RASSF8: variants seen among roughly 807,000 people sequenced by gnomAD.
RASSF8 encodes Ras association domain family member 8.
A neutral mutation model predicts 48.5 loss-of-function variants in RASSF8; 22 were observed. The observed-to-expected ratio is 0.45, with a 90% CI of 0.32 to 0.65. The LOEUF (loss-of-function observed/expected upper bound fraction) is 0.65. Among genes scored for constraint, RASSF8 ranks in the 30% least tolerant of loss-of-function variants. The probability of loss-of-function intolerance (pLI) is 0.03; values close to 1 mark genes in which losing one functional copy is unlikely to be tolerated. For missense variants in RASSF8, 418 were observed against 489.2 expected (o/e 0.85, Z 1.37); for synonymous variants, 127 against 171.5 (o/e 0.74, Z 2.03).
chr12:26,077,579 G>A (rs1591828167), downstream of RASSF8, among the ~76,000 whole-genome samples: 1 of 152,116 alleles, frequency 6.6e-6, no homozygotes, highest in African/African-American at 2.4e-5. Flanking sequence ...TTGTAGATGT[G>A]TGGTGTTATT....
intron 3 of RASSF8, among the ~76,000 whole-genome samples, chr12:26,057,962 T>C (rs1565641874): frequency 6.6e-6 from 1 of 152,202 alleles, no homozygotes; most frequent in Non-Finnish European, 1.5e-5. Flanking sequence ...TTTGCCCACT[T>C]TTATGGGGTT....
chr12:26,032,432 G>A (rs751710537), intron 2 of RASSF8, among the ~76,000 whole-genome samples: 3 of 152,182 alleles, frequency 2.0e-5, no homozygotes, highest in Non-Finnish European at 2.9e-5. Context: ...GTATGGAGAA[G>A]TATTTCCCAA....
At chr12:25,974,305 G>A (rs1422801320) in intron 1 of RASSF8, among the ~76,000 whole-genome samples, 1 of 152,150 alleles carries the variant, frequency 6.6e-6, no homozygotes, top group Non-Finnish European at 1.5e-5. Context: ...CGCGAGAAGT[G>A]CCACAGCTAA....
chr12:26,003,667 G>T (rs1942315825), intron 2 of RASSF8, among the ~76,000 whole-genome samples: 1 of 152,038 alleles, frequency 6.6e-6, no homozygotes, highest in Admixed American at 6.6e-5. Context: ...AAGTGTTAAT[G>T]ATGATTTTTC....
At chr12:26,077,582 G>A (rs919562700), downstream of RASSF8, among the ~76,000 whole-genome samples, 1 of 152,072 alleles carries the variant, frequency 6.6e-6, no homozygotes, top group Non-Finnish European at 1.5e-5. Context: ...TAGATGTGTG[G>A]TGTTATTTCT....
chr12:26,075,134 TCTC>T (rs1020358459), downstream of RASSF8, among the ~76,000 whole-genome samples: 516 of 152,260 alleles, frequency 3.4e-3, 1 homozygote, highest in African/African-American at 0.011. Context: ...TTGGGCACCT[TCTC>T]TGAGCCAGGA....
At chr12:25,991,804 T>C (rs1052342122) in intron 1 of RASSF8, among the ~76,000 whole-genome samples, 6 of 152,192 alleles carry the variant, frequency 3.9e-5, no homozygotes, top group African/African-American at 1.4e-4. Flanking sequence ...AGGAGAAGAA[T>C]ACACAAGGGT....
chr12:26,068,383 GTTA>G (rs927464372), intron 5 of RASSF8, among the ~76,000 whole-genome samples: 7 of 151,916 alleles, frequency 4.6e-5, no homozygotes, highest in Admixed American at 4.6e-4. Flanking sequence ...TCTTCTAAAA[GTTA>G]TTATTAATTT....
At chr12:25,967,639 C>T (rs940708063) in intron 1 of RASSF8, among the ~76,000 whole-genome samples, 1 of 152,154 alleles carries the variant, frequency 6.6e-6, no homozygotes, top group South Asian at 2.1e-4. Context: ...ATTCTTCACT[C>T]TGGGTTGTTT....
chr12:25,978,052 A>G (rs1411664703), intron 1 of RASSF8, among the ~76,000 whole-genome samples: 1 of 152,192 alleles, frequency 6.6e-6, no homozygotes, highest in African/African-American at 2.4e-5. Flanking sequence ...CCTTCTACCC[A>G]CTTGCTTATC....
In RASSF8 at chr12:26,030,997, G is replaced by T. The variant is rs186710792; in HGVS notation, c.-108-24239G>T. Among the ~76,000 whole-genome samples the T allele has an allele frequency of 1.9e-4, 29 of 152,286 alleles. No individual in the cohort carries two copies. The South Asian group carries it at 3.3e-3, about 17-fold the overall frequency. ...TTGCAGACCCCTTCAAGATGGTCAG[G>T]AACAGTGAGTTGAAGCAGTAGGAAA... is the stretch of plus-strand genomic sequence containing the variant. On this transcript the variant is annotated intron_variant, in intron 2 of 5. Coordinates refer to ENST00000689635, the MANE Select transcript of RASSF8 (RefSeq NM_001394098.1).
chr12:26,025,453 A>T (rs888250965), intron 2 of RASSF8, among the ~76,000 whole-genome samples: 2 of 151,514 alleles, frequency 1.3e-5, no homozygotes, highest in African/African-American at 4.9e-5. Flanking sequence ...GGTACTCGGG[A>T]CGGCAGGCTG....
intron 1 of RASSF8, among the ~76,000 whole-genome samples, chr12:25,979,395 A>AT (rs1443201323): frequency 1.3e-5 from 2 of 152,120 alleles, no homozygotes; most frequent in Non-Finnish European, 2.9e-5. Context: ...AATCGTGTAG[A>AT]TAAGGGCTTG....
Position 26,071,738 on chromosome 12 carries a change from T to C in RASSF8, c.*2920T>C. ...CTCCCAGTCATCAATGAGGTAATCA[T>C]CAATTCCTATAGTTCAAATTAGTCA... On this transcript the variant is annotated 3_prime_UTR_variant, in exon 6 of 6. Coordinates refer to ENST00000689635, the MANE Select transcript of RASSF8 (RefSeq NM_001394098.1). 1 of 983,756 alleles carries C rather than the reference T, an allele frequency of 1.0e-6. No individual in the cohort carries two copies. Among genetic ancestry groups the C allele is most frequent in the Non-Finnish European group, 1.2e-6 (1 of 828,422 alleles). 60.9% of individuals were successfully genotyped at this position (983,756 alleles called of 1,614,324 possible). A position where few individuals can be genotyped will look rare whatever the true frequency, so the allele number is the denominator to read the frequency against.
chr12:26,046,093 C>G (rs527429314), intron 2 of RASSF8, among the ~76,000 whole-genome samples: 5 of 152,320 alleles, frequency 3.3e-5, no homozygotes, highest in African/African-American at 9.6e-5. Context: ...CTGGAAGGAG[C>G]AGTTTTCACC....
chr12:25,965,899 A>G (rs1367715888), intron 1 of RASSF8, among the ~76,000 whole-genome samples: 7 of 152,200 alleles, frequency 4.6e-5, no homozygotes, highest in African/African-American at 1.7e-4. Context: ...GTAGTATTTC[A>G]TTGTGTGAGT....
chr12:26,004,903 C>A (rs937000926), intron 2 of RASSF8, among the ~76,000 whole-genome samples: 1 of 151,486 alleles, frequency 6.6e-6, no homozygotes, highest in African/African-American at 2.4e-5. Context: ...CTTATAATCC[C>A]AGCACTTTGG....
intron 2 of RASSF8, among the ~76,000 whole-genome samples, chr12:26,053,608 G>A (rs1210662785): frequency 7.8e-5 from 6 of 77,258 alleles, no homozygotes; most frequent in Non-Finnish European, 2.8e-5. Context: ...TTATTTACTG[G>A]CTTTCTTAAC....
rs1403977177 is a variant in RASSF8 at position 26,070,817 on chromosome 12, T to G, written c.*1999T>G. On this transcript the variant is annotated 3_prime_UTR_variant, in exon 6 of 6. Coordinates refer to ENST00000689635, the MANE Select transcript of RASSF8 (RefSeq NM_001394098.1). ...CAAAATGTTAAACTGGAGGCAGTAT[T>G]AAACTTTGCAATTAGGAGTTTCAGA... is the stretch of plus-strand genomic sequence containing the variant. 7.1e-6 allele frequency: 7 copies of G among 983,264 alleles called. No homozygotes were observed. In the East Asian group the frequency reaches 6.8e-4, roughly 95 times the overall value. The allele number at this position is 983,264 out of a possible 1,614,324, so 60.9% of individuals were successfully genotyped here.
Sources: gnomAD v4.1 joint callset for allele counts (sites outside exome capture counted in the v4.1 genomes callset) on GRCh38, gnomAD v4.1.1 for gene constraint, MANE v1.5 for transcripts, NCBI Gene and HGNC (gene_info 2026-07-23, HGNC 2026-07-21) for gene names.